The following RUNX1 variants were observed in gnomAD, a reference collection of about 807,000 sequenced individuals.
The protein encoded by RUNX1 is RUNX family transcription factor 1, also known as runt-related transcription factor 1.
A neutral mutation model predicts 42.8 loss-of-function variants in RUNX1; 19 were observed. That is an observed-to-expected ratio of 0.44 (90% CI 0.31 to 0.65). RUNX1 has a LOEUF of 0.65. Among genes scored for constraint, RUNX1 ranks in the 30% least tolerant of loss-of-function variants. The pLI, the probability that RUNX1 is intolerant of heterozygous loss-of-function variation, is 0.07. For synonymous variants in RUNX1, 271 were observed against 289.4 expected (o/e 0.94, Z 0.64); for missense variants, 528 against 672.0 (o/e 0.79, Z 2.37).
chr21:35,029,939 T>C (rs2059261815), intron 2 of RUNX1, among the ~76,000 whole-genome samples: 1 of 152,356 alleles, frequency 6.6e-6, no homozygotes, highest in East Asian at 1.9e-4. Flanking sequence ...ATCTGCCTAC[T>C]GGATGTTAGT....
intron 6 of RUNX1, among the ~76,000 whole-genome samples, chr21:34,840,609 C>T (rs2057219802): frequency 2.6e-5 from 1 of 37,742 alleles, no homozygotes; most frequent in African/African-American, 1.2e-4. Flanking sequence ...TGTCTTTTTT[C>T]AGGCAGACAC....
At chr21:34,887,999 A>G (rs1601531447) in intron 3 of RUNX1, 1 of 1,066,174 alleles carries the variant, frequency 9.4e-7, no homozygotes, top group East Asian at 5.0e-5. Context: ...CAGCTCTCCC[A>G]CATCTGTGAA....
intron 2 of RUNX1, among the ~76,000 whole-genome samples, chr21:35,043,489 T>C (rs757982329): frequency 7.3e-4 from 111 of 152,352 alleles, no homozygotes; most frequent in Admixed American, 2.2e-3. Flanking sequence ...CTTGCATTTG[T>C]GAAATGATGG....
chr21:34,978,235 G>A lies in RUNX1; in HGVS notation c.58+70607C>T, dbSNP rs375210917. Among the ~76,000 whole-genome samples, 257 of 152,252 alleles carry A rather than the reference G, an allele frequency of 1.7e-3. 1 individual carries two copies. In the Middle Eastern group the frequency reaches 0.02, roughly 12 times the overall value. Reference sequence around the variant, plus strand: ...TTACAGGCATGAGCCACCGCGCCCCGCCCATAAACAGTATTTTTTGACCAA... The same window carrying A: ...TTACAGGCATGAGCCACCGCGCCCCACCCATAAACAGTATTTTTTGACCAA... On this transcript the variant is annotated intron_variant, in intron 2 of 8. Transcript: ENST00000675419.
intron 2 of RUNX1, among the ~76,000 whole-genome samples, chr21:34,893,610 C>T (rs2058104242): frequency 6.6e-6 from 1 of 152,024 alleles, no homozygotes; most frequent in African/African-American, 2.4e-5. Flanking sequence ...TGAATATCTA[C>T]ATATAATGTT....
chr21:34,904,068 G>A (rs1477736750), intron 2 of RUNX1, among the ~76,000 whole-genome samples: 1 of 152,102 alleles, frequency 6.6e-6, no homozygotes, highest in Non-Finnish European at 1.5e-5. Flanking sequence ...AAATGGAATA[G>A]TAAACATTTT....
intron 2 of RUNX1, among the ~76,000 whole-genome samples, chr21:34,999,902 AT>A (rs529333556): frequency 3.2e-4 from 48 of 152,246 alleles, no homozygotes; most frequent in Non-Finnish European, 6.5e-4. Flanking sequence ...GCTAAGTGAA[AT>A]TTTCCAAATG....
At chr21:34,888,964 T>G (rs1177888425) in intron 3 of RUNX1, among the ~76,000 whole-genome samples, 1 of 150,786 alleles carries the variant, frequency 6.6e-6, no homozygotes, top group Non-Finnish European at 1.5e-5. Flanking sequence ...CCCGCCCGCG[T>G]GCGGACCCCT....
chr21:34,926,704 T>C (rs775657681), intron 2 of RUNX1, among the ~76,000 whole-genome samples: 25 of 152,036 alleles, frequency 1.6e-4, no homozygotes, highest in Non-Finnish European at 7.4e-5. Flanking sequence ...GTATGTGAAA[T>C]AGTCTCTCCA....
At chr21:34,996,816 T>A (rs1011742827) in intron 2 of RUNX1, among the ~76,000 whole-genome samples, 6 of 152,058 alleles carry the variant, frequency 3.9e-5, no homozygotes, top group African/African-American at 1.4e-4. Context: ...CACTTTACAC[T>A]GTGAGGCCAA....
chr21:34,942,307 T>C (rs1196699065), intron 2 of RUNX1, among the ~76,000 whole-genome samples: 2 of 150,030 alleles, frequency 1.3e-5, no homozygotes, highest in Non-Finnish European at 2.9e-5. Flanking sequence ...CTTTCTCTAA[T>C]GCACTCAAGC....
intron 5 of RUNX1, among the ~76,000 whole-genome samples, chr21:34,878,469 A>G (rs1052898410): frequency 2.6e-5 from 4 of 151,762 alleles, no homozygotes; most frequent in African/African-American, 9.7e-5. Flanking sequence ...GGGTTTCCGT[A>G]TTTTTTATTG....
chr21:34,976,685 G>A (rs930189114), intron 2 of RUNX1, among the ~76,000 whole-genome samples: 2 of 152,192 alleles, frequency 1.3e-5, no homozygotes, highest in African/African-American at 4.8e-5. Context: ...TGAAAGATTT[G>A]ATTCAAAAAT....
At chr21:34,945,432 G>A (rs1170757228) in intron 2 of RUNX1, among the ~76,000 whole-genome samples, 5 of 151,924 alleles carry the variant, frequency 3.3e-5, no homozygotes, top group African/African-American at 1.2e-4. Context: ...CAACTCCTCC[G>A]CCACATACCC....
chr21:34,861,634 T>C (rs2057577572), intron 5 of RUNX1, among the ~76,000 whole-genome samples: 1 of 151,604 alleles, frequency 6.6e-6, no homozygotes, highest in Admixed American at 6.6e-5. Context: ...TGACTCCCAG[T>C]GTGCACCCTC....
intron 7 of RUNX1, among the ~76,000 whole-genome samples, chr21:34,813,095 G>C (rs1022230428): frequency 1.3e-5 from 2 of 152,114 alleles, no homozygotes; most frequent in Non-Finnish European, 2.9e-5. Context: ...CATCAAACGG[G>C]TGATTTCTCC....
chr21:35,021,571 G>A (rs1437381535), intron 2 of RUNX1, among the ~76,000 whole-genome samples: 1 of 152,190 alleles, frequency 6.6e-6, no homozygotes, highest in African/African-American at 2.4e-5. Flanking sequence ...TGAAGCAACT[G>A]AGAAATAAAC....
At chr21:34,944,658 T>C (rs530307759) in intron 2 of RUNX1, among the ~76,000 whole-genome samples, 252 of 152,300 alleles carry the variant, frequency 1.7e-3, no homozygotes, top group Middle Eastern at 3.4e-3. Context: ...TTAGGACAGA[T>C]GGCACATGCT....
intron 2 of RUNX1, among the ~76,000 whole-genome samples, chr21:35,001,729 T>G (rs2059045937): frequency 6.6e-6 from 1 of 152,156 alleles, no homozygotes. Flanking sequence ...TGCCATGATA[T>G]TATATGTAGA....
Sources: allele counts gnomAD v4.1 joint callset (sites outside exome capture counted in the v4.1 genomes callset), GRCh38; gene constraint gnomAD v4.1.1; transcripts MANE v1.5; gene names NCBI Gene and HGNC (gene_info 2026-07-23, HGNC 2026-07-21).